The following CDH13 variants were observed in gnomAD, a reference collection of about 807,000 sequenced individuals.
CDH13 encodes the protein cadherin-13.
Under a neutral mutation model 63.8 loss-of-function variants are expected in CDH13, and 24 were observed. The ratio of observed to expected loss-of-function variants is 0.38; its 90% CI spans 0.27 to 0.53. The LOEUF (loss-of-function observed/expected upper bound fraction) is 0.53. CDH13 is among the 20% of genes least tolerant of loss of function. CDH13 has a pLI of 0.85. For missense variants in CDH13, 1,049 were observed against 903.1 expected (o/e 1.16, Z -2.07); for synonymous variants, 503 against 355.3 (o/e 1.42, Z -4.67).
chr16:82,682,832 C>G (rs1914688065), intron 1 of CDH13, among the ~76,000 whole-genome samples: 1 of 152,154 alleles, frequency 6.6e-6, no homozygotes, highest in Admixed American at 6.5e-5. Flanking sequence ...AAGTCTGTGC[C>G]ACCCTGAGGA....
intron 4 of CDH13, 140 bp downstream of exon 4, chr16:83,125,641 A>G: frequency 5.5e-6 from 3 of 543,814 alleles, no homozygotes; most frequent in Non-Finnish European, 9.9e-6. Flanking sequence ...TTTAGTCATG[A>G]AAAGAATGTT....
chr16:82,795,253 A>C (rs1395531476), intron 1 of CDH13, among the ~76,000 whole-genome samples: 1 of 152,228 alleles, frequency 6.6e-6, no homozygotes, highest in Non-Finnish European at 1.5e-5. Context: ...GGACATGGAC[A>C]GTTGTCCCAG....
chr16:82,844,361 G>T (rs1311953654), intron 1 of CDH13: 1 of 152,006 alleles, frequency 6.6e-6, no homozygotes, highest in Non-Finnish European at 1.5e-5. Flanking sequence ...TAAAACTCTG[G>T]GAGGCTGAGG....
intron 1 of CDH13, among the ~76,000 whole-genome samples, chr16:82,842,146 A>ACC (rs2039056580): frequency 3.5e-5 from 1 of 28,634 alleles, no homozygotes; most frequent in African/African-American, 1.2e-4. Flanking sequence ...ATACACATAT[A>ACC]TATATATATA....
chr16:83,028,776 A>G (rs997126169), intron 2 of CDH13, among the ~76,000 whole-genome samples: 1 of 152,218 alleles, frequency 6.6e-6, no homozygotes, highest in Admixed American at 6.5e-5. Context: ...TTCCCATTTA[A>G]TATTTTCAGA....
chr16:83,570,413 C>T (rs1904466365), intron 7 of CDH13, among the ~76,000 whole-genome samples: 1 of 152,160 alleles, frequency 6.6e-6, no homozygotes, highest in Non-Finnish European at 1.5e-5. Context: ...ATGATGTCTT[C>T]ATCTGCCATT....
chr16:83,429,621 C>T (rs1567666764), intron 6 of CDH13, among the ~76,000 whole-genome samples: 1 of 152,082 alleles, frequency 6.6e-6, no homozygotes, highest in Non-Finnish European at 1.5e-5. Context: ...AGCCAAACAA[C>T]CTACTCAGAA....
At chr16:83,291,823 C>T (rs1216587076) in intron 5 of CDH13, among the ~76,000 whole-genome samples, 1 of 152,138 alleles carries the variant, frequency 6.6e-6, no homozygotes, top group Admixed American at 6.6e-5. Flanking sequence ...CTTAATTCAT[C>T]TTGTACGTTT....
At chr16:83,183,249 G>A (rs558334445) in intron 4 of CDH13, among the ~76,000 whole-genome samples, 10 of 152,308 alleles carry the variant, frequency 6.6e-5, no homozygotes, top group African/African-American at 2.2e-4. Flanking sequence ...TTTAAGTATC[G>A]TTGATATTAG....
At chr16:83,390,757 C>T (rs1420496107) in intron 6 of CDH13, among the ~76,000 whole-genome samples, 5 of 152,160 alleles carry the variant, frequency 3.3e-5, no homozygotes, top group Non-Finnish European at 5.9e-5. Context: ...ATCAGAATCA[C>T]TCACATTGCT....
intron 8 of CDH13, among the ~76,000 whole-genome samples, chr16:83,618,306 T>G (rs1430756457): frequency 5.3e-5 from 8 of 151,862 alleles, no homozygotes; most frequent in African/African-American, 1.9e-4. Flanking sequence ...GTGCCTGTAG[T>G]CCCAGCTACT....
intron 2 of CDH13, among the ~76,000 whole-genome samples, chr16:82,872,338 A>G (rs2040369428): frequency 6.6e-6 from 1 of 152,176 alleles, no homozygotes. Context: ...TCACTCTTCA[A>G]CCTGTTGAGT....
At chr16:83,366,645 A>T (rs1359528524) in intron 6 of CDH13, among the ~76,000 whole-genome samples, 1 of 152,106 alleles carries the variant, frequency 6.6e-6, no homozygotes, top group Non-Finnish European at 1.5e-5. Flanking sequence ...TATTCTCCAG[A>T]TAGTCTCCTG....
chr16:82,882,483 C>G (rs1372478294), intron 2 of CDH13, among the ~76,000 whole-genome samples: 2 of 152,240 alleles, frequency 1.3e-5, no homozygotes, highest in Non-Finnish European at 2.9e-5. Flanking sequence ...GGCAGGCAAG[C>G]TAACCAGCTG....
intron 1 of CDH13, among the ~76,000 whole-genome samples, chr16:82,781,070 G>A (rs2035730804): frequency 6.6e-6 from 1 of 152,198 alleles, no homozygotes; most frequent in Non-Finnish European, 1.5e-5. Flanking sequence ...ATTTCCCTAG[G>A]CATTGATTTT....
intron 3 of CDH13, among the ~76,000 whole-genome samples, chr16:83,121,962 T>TCACACACA (rs10665608): frequency 0.018 from 2,668 of 147,472 alleles, 50 homozygotes; most frequent in African/African-American, 0.049. Flanking sequence ...TTTAAAACTG[T>TCACACACA]CACACACACA....
chr16:82,852,117 A>T (rs2039516741), intron 1 of CDH13, among the ~76,000 whole-genome samples: 1 of 152,130 alleles, frequency 6.6e-6, no homozygotes, highest in Non-Finnish European at 1.5e-5. Flanking sequence ...ACCTCGTGAG[A>T]TTAATTATTT....
At chr16:82,827,005 A>C (rs969555898) in intron 1 of CDH13, among the ~76,000 whole-genome samples, 2 of 152,224 alleles carry the variant, frequency 1.3e-5, no homozygotes, top group Admixed American at 6.5e-5. Flanking sequence ...GAATTCATCC[A>C]GCCCCTGGCA....
chr16:82,640,052 C>T (rs563281748), intron 1 of CDH13, among the ~76,000 whole-genome samples: 4 of 152,212 alleles, frequency 2.6e-5, no homozygotes, highest in Non-Finnish European at 5.9e-5. Flanking sequence ...TGCCTGCCCC[C>T]GTGGAGTTTG....
Sources: allele counts gnomAD v4.1 joint callset (sites outside exome capture counted in the v4.1 genomes callset), GRCh38; gene constraint gnomAD v4.1.1; transcripts MANE v1.5; gene names NCBI Gene and HGNC (gene_info 2026-07-23, HGNC 2026-07-21).